The following CDK12 variants were observed in gnomAD, a reference collection of about 807,000 sequenced individuals.
CDK12 encodes cyclin dependent kinase 12.
CDK12 carries 17 observed loss-of-function variants against 133.8 expected under a neutral mutation model. The ratio of observed to expected loss-of-function variants is 0.13; its 90% CI spans 0.09 to 0.19. The LOEUF (loss-of-function observed/expected upper bound fraction) is 0.19. CDK12 is among the 10% of genes least tolerant of loss of function. The pLI is 1.00. For synonymous variants in CDK12, 694 were observed against 683.6 expected (o/e 1.02, Z -0.24); for missense variants, 1,508 against 1,818.7 (o/e 0.83, Z 3.11).
At position 39,533,080 on chromosome 17, in the gene CDK12, A is replaced by T. The variant is rs895164479; in HGVS notation, c.*1764A>T. The T allele has an allele frequency of 8.6e-6, 2 of 232,418 alleles. No homozygotes were observed. The highest frequency in any genetic ancestry group is 1.7e-5 in the Non-Finnish European group (2 of 117,694). The allele number at this position is 232,418 out of a possible 1,614,324, so 14.4% of individuals were successfully genotyped here. ...AAGAGAAAGGTGCATTACTTAAAAA[A>T]AAAAAACTTTAAAGAAATGAAAGAA... is the stretch of plus-strand genomic sequence containing the variant. On this transcript the variant is annotated 3_prime_UTR_variant, in exon 14 of 14. Transcript: ENST00000447079.
At chr17:39,487,548 C>T (rs750610376) in intron 2 of CDK12, among the ~76,000 whole-genome samples, 45 of 149,846 alleles carry the variant, frequency 3.0e-4, no homozygotes, top group Non-Finnish European at 5.3e-4. Context: ...TATTTGTAGA[C>T]ATGAGTTAGT....
At chr17:39,490,105 G>T (rs989172322) in intron 2 of CDK12, among the ~76,000 whole-genome samples, 2 of 151,660 alleles carry the variant, frequency 1.3e-5, no homozygotes, top group Non-Finnish European at 2.9e-5. Context: ...GGTGGCTCAC[G>T]CCTGTAATCC....
chr17:39,484,450 C>T (rs1456340959), intron 2 of CDK12, among the ~76,000 whole-genome samples: 1 of 152,058 alleles, frequency 6.6e-6, no homozygotes, highest in Non-Finnish European at 1.5e-5. Flanking sequence ...TTTGCATGTA[C>T]CACATGTCCG....
chr17:39,499,211 T>TCC (rs1280503542), intron 5 of CDK12, among the ~76,000 whole-genome samples: 1 of 86,270 alleles, frequency 1.2e-5, no homozygotes, highest in Admixed American at 1.5e-4. Flanking sequence ...TTCTTTCCTT[T>TCC]TTTTTTTTTT....
chr17:39,480,588 A>AT (rs1472770180), intron 2 of CDK12, among the ~76,000 whole-genome samples: 2 of 151,734 alleles, frequency 1.3e-5, no homozygotes, highest in African/African-American at 4.8e-5. Flanking sequence ...ATTCCAACTA[A>AT]TTTTTTGTAT....
intron 1 of CDK12, chr17:39,550,991 A>G (rs1351337369): frequency 6.6e-6 from 1 of 152,134 alleles, no homozygotes; most frequent in Non-Finnish European, 1.5e-5. Context: ...AAAAAAAAAA[A>G]AAAAGGGAAC....
Position 39,531,464 on chromosome 17 carries a change from G to A in CDK12, c.*148G>A. On this transcript the variant is annotated 3_prime_UTR_variant, in exon 14 of 14. Coordinates refer to ENST00000447079, the MANE Select transcript of CDK12 (RefSeq NM_016507.4). Reference sequence around the variant, plus strand: ...TGTCCGTTGTATTCCTTGCTCACTTGCTACTAGCAGGCGACTTACGAAATA... The same window carrying A: ...TGTCCGTTGTATTCCTTGCTCACTTACTACTAGCAGGCGACTTACGAAATA... The A allele has an allele frequency of 1.4e-6, 1 of 716,650 alleles. No homozygotes were observed. Among genetic ancestry groups the A allele is most frequent in the Non-Finnish European group, 2.0e-6 (1 of 496,606 alleles). 44.4% of individuals were successfully genotyped at this position (716,650 alleles called of 1,614,324 possible). A position where few individuals can be genotyped will look rare whatever the true frequency, so the allele number is the denominator to read the frequency against.
intron 3 of CDK12, among the ~76,000 whole-genome samples, chr17:39,562,852 C>T (rs1001326000): frequency 2.5e-4 from 36 of 146,484 alleles, no homozygotes; most frequent in Admixed American, 2.2e-3. Flanking sequence ...CATTTTTTTC[C>T]TCCTTTCTTT....
At chr17:39,566,190 T>A (rs2056567459), downstream of CDK12, among the ~76,000 whole-genome samples, 1 of 152,096 alleles carries the variant, frequency 6.6e-6, no homozygotes, top group African/African-American at 2.4e-5. Context: ...AACTAAAATA[T>A]TTTAAGTTCT....
At chr17:39,501,163 C>A in intron 5 of CDK12, 87 bp from the exon 6 acceptor site, 1 of 959,062 alleles carries the variant, frequency 1.0e-6, no homozygotes, top group Non-Finnish European at 1.5e-6. Context: ...CTGTGGTCAA[C>A]TCCAAAATTA....
In CDK12 at chr17:39,530,838, C is replaced by G. The variant is rs1454102177; in HGVS notation, c.3995C>G (p.Pro1332Arg). The G allele has an allele frequency of 6.2e-7, 1 of 1,614,206 alleles. No homozygotes were observed. Among genetic ancestry groups the G allele is most frequent in the Non-Finnish European group, 8.5e-7 (1 of 1,180,044 alleles). Reference sequence around the variant, plus strand: ...AGACCAATGGAGTACTCCACCCGACCCCGTCCAAACAGGACTTATGGAAAC... The same window carrying G: ...AGACCAATGGAGTACTCCACCCGACGCCGTCCAAACAGGACTTATGGAAAC... ...ALRPMEYSTR[P>R]RPNRTYGNTD... The change falls in exon 14 of 14, where the codon CCC becomes CGC. Residue 1332 changes from proline (P) to arginine (R), a missense_variant. Pro to Arg is a moderately radical substitution (Grantham distance 103). Around this residue, in one of 9 missense-constraint regions of CDK12, gnomAD observed 399 missense variants for 469.6 expected, o/e 0.85. Transcript: ENST00000447079.
chr17:39,543,261 G>A (rs2055516564), upstream of CDK12, among the ~76,000 whole-genome samples: 1 of 152,206 alleles, frequency 6.6e-6, no homozygotes, highest in South Asian at 2.1e-4. Context: ...TGAGGCAGAA[G>A]GAAGGTGGTA....
chr17:39,497,662 A>G (rs558785692), intron 5 of CDK12, among the ~76,000 whole-genome samples: 2 of 151,712 alleles, frequency 1.3e-5, no homozygotes, highest in South Asian at 2.1e-4. Flanking sequence ...CTGGAGTACA[A>G]CGGTGGTCAT....
At chr17:39,468,366 C>T (rs1205923534) in intron 1 of CDK12, among the ~76,000 whole-genome samples, 1 of 152,166 alleles carries the variant, frequency 6.6e-6, no homozygotes, top group South Asian at 2.1e-4. Flanking sequence ...CTTACCATAT[C>T]TCCCTGATCA....
intron 1 of CDK12, among the ~76,000 whole-genome samples, chr17:39,463,794 C>T (rs1004856021): frequency 6.6e-6 from 1 of 151,878 alleles, no homozygotes; most frequent in Non-Finnish European, 1.5e-5. Flanking sequence ...TTTTCAAAAT[C>T]TTTCTCTAAA....
At chr17:39,515,961 A>G (rs569184768) in intron 9 of CDK12, among the ~76,000 whole-genome samples, 153 bp downstream of exon 9, 1 of 152,336 alleles carries the variant, frequency 6.6e-6, no homozygotes, top group Non-Finnish European at 1.5e-5. Flanking sequence ...ATATTTTGTC[A>G]TAGGCTATAC....
intron 2 of CDK12, among the ~76,000 whole-genome samples, chr17:39,473,405 A>G (rs1216805695): frequency 6.6e-6 from 1 of 152,160 alleles, no homozygotes; most frequent in African/African-American, 2.4e-5. Context: ...AACTGAAATG[A>G]TTATGAAGCA....
intron 3 of CDK12, among the ~76,000 whole-genome samples, chr17:39,558,497 T>C (rs1467023630): frequency 6.6e-6 from 1 of 152,228 alleles, no homozygotes; most frequent in Non-Finnish European, 1.5e-5. Flanking sequence ...TTTTAAAGTA[T>C]GTTTAAAGCC....
intron 1 of CDK12, among the ~76,000 whole-genome samples, chr17:39,464,245 A>G (rs975227332): frequency 6.6e-6 from 1 of 151,742 alleles, no homozygotes; most frequent in Non-Finnish European, 1.5e-5. Context: ...TTGAAAGACA[A>G]GATCTTGCCC....
Sources: gnomAD v4.1 joint callset for allele counts (sites outside exome capture counted in the v4.1 genomes callset) on GRCh38, gnomAD v4.1.1 for gene constraint, gnomAD v4.1.1 regional missense constraint, MANE v1.5 for transcripts, NCBI Gene and HGNC (gene_info 2026-07-23, HGNC 2026-07-21) for gene names.